LHFPL3: variants seen among roughly 807,000 people sequenced by gnomAD.
LHFPL3 encodes LHFPL tetraspan subfamily member 3 protein.
A neutral mutation model predicts 19.3 loss-of-function variants in LHFPL3; 5 were observed. The ratio of observed to expected loss-of-function variants is 0.26; its 90% CI spans 0.14 to 0.54. The LOEUF is 0.54. Ranked by LOEUF, LHFPL3 falls within the 20% of genes least tolerant of loss-of-function variation. The probability of loss-of-function intolerance (pLI) is 0.94; values close to 1 mark genes in which losing one functional copy is unlikely to be tolerated. For missense variants in LHFPL3, 249 were observed against 307.4 expected, an observed-to-expected ratio of 0.81 and a Z score of 1.42; for synonymous variants, 133 against 126.2, an observed-to-expected ratio of 1.05 and a Z score of -0.36.
chr7:104,504,422 T>C (rs1337349658), intron 1 of LHFPL3, among the ~76,000 whole-genome samples: 2 of 152,258 alleles, frequency 1.3e-5, no homozygotes, highest in Admixed American at 1.3e-4. Context: ...ATTTTCATCC[T>C]AAATCTTTGA....
chr7:104,806,425 GATTGC>G (rs1190413461), intron 2 of LHFPL3, among the ~76,000 whole-genome samples: 3 of 152,132 alleles, frequency 2.0e-5, no homozygotes, highest in Non-Finnish European at 2.9e-5. Flanking sequence ...CCAATAAAGG[GATTGC>G]ATTGAACCCC....
chr7:104,670,094 T>C (rs1235187822), intron 1 of LHFPL3, among the ~76,000 whole-genome samples: 2 of 152,016 alleles, frequency 1.3e-5, no homozygotes, highest in Non-Finnish European at 2.9e-5. Context: ...CAGCCCCTCC[T>C]CTTATTTAAT....
intron 1 of LHFPL3, among the ~76,000 whole-genome samples, chr7:104,648,790 A>C (rs778877127): frequency 6.6e-5 from 10 of 152,208 alleles, no homozygotes; most frequent in African/African-American, 1.2e-4. Context: ...CTCTAAAAGT[A>C]AAGTTGTTCA....
chr7:104,557,744 T>C (rs989165079), intron 1 of LHFPL3, among the ~76,000 whole-genome samples: 25 of 151,722 alleles, frequency 1.6e-4, no homozygotes, highest in Admixed American at 9.2e-4. Flanking sequence ...TAGTTACATA[T>C]GTATACATGT....
intron 1 of LHFPL3, among the ~76,000 whole-genome samples, chr7:104,370,905 G>T (rs1216477541): frequency 6.6e-6 from 1 of 152,120 alleles, no homozygotes; most frequent in East Asian, 1.9e-4. Context: ...GGATATTGAG[G>T]CAGAGAAAAG....
At position 104,385,397 on chromosome 7, in the gene LHFPL3, T is replaced by C. The variant is rs1446004082; in HGVS notation, c.445+56173T>C. The stretch of plus-strand genomic sequence containing the variant: ...AATTAATATATGGCATTCTGATTGA[T>C]ATCTGAGCAGAGTTAATGAGAAGCT... On this transcript the variant is annotated intron_variant, in intron 1 of 2. Transcript: ENST00000424859. Among the ~76,000 whole-genome samples, 9 of 152,314 alleles carry C rather than the reference T, an allele frequency of 5.9e-5. No homozygotes were observed. In the East Asian group the frequency reaches 1.7e-3, roughly 29 times the overall value.
At chr7:104,826,627 T>C in intron 2 of LHFPL3, 1 of 155,392 alleles carries the variant, frequency 6.4e-6, no homozygotes, top group Non-Finnish European at 1.5e-5. Flanking sequence ...CCCAAAGCCC[T>C]CTCCAATGGA....
intron 1 of LHFPL3, among the ~76,000 whole-genome samples, chr7:104,594,161 C>T (rs73179989): frequency 0.044 from 6,639 of 152,316 alleles, 165 homozygotes; most frequent in African/African-American, 0.064. Context: ...CCTGTTCTTG[C>T]AGTGGCTGGT....
intron 1 of LHFPL3, among the ~76,000 whole-genome samples, chr7:104,566,063 C>A (rs908222222): frequency 2.0e-5 from 3 of 152,000 alleles, no homozygotes; most frequent in African/African-American, 7.3e-5. Context: ...CTCACCTTCT[C>A]ATGGCTGGGC....
At chr7:104,374,532 A>C (rs1562878376) in intron 1 of LHFPL3, among the ~76,000 whole-genome samples, 1 of 152,020 alleles carries the variant, frequency 6.6e-6, no homozygotes, top group East Asian at 1.9e-4. Flanking sequence ...GAGCCACTGC[A>C]CCCAGCCTCT....
intron 1 of LHFPL3, among the ~76,000 whole-genome samples, chr7:104,534,714 C>G (rs1364650483): frequency 6.6e-6 from 1 of 152,126 alleles, no homozygotes; most frequent in South Asian, 2.1e-4. Flanking sequence ...GTATTTACAC[C>G]TTTAAAGTAT....
At chr7:104,677,027 C>T (rs1792604889) in intron 1 of LHFPL3, among the ~76,000 whole-genome samples, 1 of 152,172 alleles carries the variant, frequency 6.6e-6, no homozygotes, top group African/African-American at 2.4e-5. Flanking sequence ...ATAGCATGTC[C>T]ATATGATAGA....
chr7:104,407,760 G>A (rs533737874), intron 1 of LHFPL3, among the ~76,000 whole-genome samples: 1 of 152,266 alleles, frequency 6.6e-6, no homozygotes, highest in South Asian at 2.1e-4. Flanking sequence ...AAACATGATG[G>A]GTAGAGATCA....
chr7:104,418,711 A>C (rs1791671919), intron 1 of LHFPL3, among the ~76,000 whole-genome samples: 1 of 152,234 alleles, frequency 6.6e-6, no homozygotes, highest in Non-Finnish European at 1.5e-5. Flanking sequence ...GAAGACTCAG[A>C]GAAGGGTCAG....
intron 2 of LHFPL3, among the ~76,000 whole-genome samples, chr7:104,809,687 G>T (rs1000265845): frequency 2.0e-5 from 3 of 152,164 alleles, no homozygotes; most frequent in African/African-American, 7.2e-5. Context: ...CAAATGAATG[G>T]CTTAAAAAGT....
At chr7:104,606,706 G>A (rs150226574) in intron 1 of LHFPL3, among the ~76,000 whole-genome samples, 33 of 152,236 alleles carry the variant, frequency 2.2e-4, no homozygotes, top group African/African-American at 7.2e-4. Flanking sequence ...ATGTGAGATC[G>A]GTCCATGTTG....
chr7:104,469,798 T>C (rs1340508331), intron 1 of LHFPL3, among the ~76,000 whole-genome samples: 7 of 152,206 alleles, frequency 4.6e-5, no homozygotes, highest in Admixed American at 2.0e-4. Flanking sequence ...CATTATTTTT[T>C]TTGTTGGTTA....
intron 2 of LHFPL3, among the ~76,000 whole-genome samples, chr7:104,860,178 C>CA (rs1562817137): frequency 0.01 from 1,317 of 128,954 alleles, 9 homozygotes; most frequent in South Asian, 0.035. Context: ...ATACACCCAC[C>CA]CACACACACA....
intron 1 of LHFPL3, among the ~76,000 whole-genome samples, chr7:104,559,886 A>G (rs1789947841): frequency 7.0e-6 from 1 of 142,590 alleles, no homozygotes; most frequent in Non-Finnish European, 1.5e-5. Context: ...AGTTTTTAGC[A>G]TGAAGGTTGT....
Sources: gnomAD v4.1 joint callset for allele counts (sites outside exome capture counted in the v4.1 genomes callset) on GRCh38, gnomAD v4.1.1 for gene constraint, MANE v1.5 for transcripts, NCBI Gene and HGNC (gene_info 2026-07-23, HGNC 2026-07-21) for gene names.